Variants in DPP10 observed in about 807,000 individuals in gnomAD.
DPP10 encodes the protein dipeptidyl peptidase like 10, also known as inactive dipeptidyl peptidase 10.
Under a neutral mutation model 120.9 loss-of-function variants are expected in DPP10, and 33 were observed. The observed-to-expected ratio is 0.27, with a 90% confidence interval of 0.21 to 0.37. The LOEUF (loss-of-function observed/expected upper bound fraction) is 0.37, where lower values mean the gene tolerates loss of function less well. DPP10 is among the 10% of genes least tolerant of loss of function. DPP10 has a pLI of 1.00. For synonymous variants in DPP10, 337 were observed against 326.1 expected, an observed-to-expected ratio of 1.03 and a Z score of -0.36; for missense variants, 816 against 942.8, an observed-to-expected ratio of 0.87 and a Z score of 1.76.
intron 1 of DPP10, among the ~76,000 whole-genome samples, chr2:114,693,758 T>G (rs1699907828): frequency 6.6e-6 from 1 of 152,000 alleles, no homozygotes; most frequent in Non-Finnish European, 1.5e-5. Context: ...CCCATATTTC[T>G]TGGAGGTTTC....
rs139776427 is a variant in DPP10, at chr2:114,841,419, G to T, written c.60+398581G>T. On this transcript the variant is annotated intron_variant, in intron 1 of 25. Transcript: ENST00000410059. ...TTGGGGTAAGACTATGGTTTGAGGAGAAATCCATTGGGAAAAGTCAACCTG... is the reference window on the plus strand; with the variant it reads ...TTGGGGTAAGACTATGGTTTGAGGATAAATCCATTGGGAAAAGTCAACCTG... 3.1e-3 allele frequency among the ~76,000 whole-genome samples: 467 copies of T among 152,280 alleles called. 3 individuals carry two copies. Among genetic ancestry groups the T allele is most frequent in the Non-Finnish European group, 5.1e-3 (345 of 68,004 alleles).
At chr2:115,425,235 G>A (rs2070347815) in intron 3 of DPP10, among the ~76,000 whole-genome samples, 1 of 152,150 alleles carries the variant, frequency 6.6e-6, no homozygotes, top group Admixed American at 6.6e-5. Flanking sequence ...GTGGCAAGGG[G>A]TAGTTGGATA....
At chr2:115,749,762 A>G (rs527594222) in intron 10 of DPP10, among the ~76,000 whole-genome samples, 1 of 152,348 alleles carries the variant, frequency 6.6e-6, no homozygotes, top group African/African-American at 2.4e-5. Context: ...ATGAGCTCAA[A>G]GTAACTACAC....
intron 1 of DPP10, among the ~76,000 whole-genome samples, chr2:114,910,352 T>C (rs1011245589): frequency 3.9e-5 from 6 of 151,938 alleles, no homozygotes; most frequent in African/African-American, 1.4e-4. Flanking sequence ...ATTTGGCCCT[T>C]GGAGGAAGCA....
intron 2 of DPP10, among the ~76,000 whole-genome samples, chr2:115,317,679 A>G (rs1324902458): frequency 6.9e-6 from 1 of 145,162 alleles, no homozygotes; most frequent in African/African-American, 2.5e-5. Context: ...ATGAAGTAGT[A>G]TCTCATTTGG....
At chr2:115,524,522 A>G (rs1309576436) in intron 4 of DPP10, among the ~76,000 whole-genome samples, 1 of 151,964 alleles carries the variant, frequency 6.6e-6, no homozygotes, top group East Asian at 1.9e-4. Context: ...GGTTCCCTCA[A>G]CCCTTATCAT....
At chr2:114,930,298 C>T (rs140861384) in intron 1 of DPP10, among the ~76,000 whole-genome samples, 65 of 152,314 alleles carry the variant, frequency 4.3e-4, no homozygotes, top group African/African-American at 1.3e-3. Context: ...CTCTCTGCTT[C>T]CTTTTTAATT....
At chr2:114,446,009 G>A (rs1677922697) in intron 1 of DPP10, among the ~76,000 whole-genome samples, 1 of 152,134 alleles carries the variant, frequency 6.6e-6, no homozygotes, top group Non-Finnish European at 1.5e-5. Context: ...TGTGAAGGTA[G>A]CAACATTCTT....
chr2:115,267,883 G>A (rs780209204), intron 1 of DPP10, among the ~76,000 whole-genome samples: 2 of 152,098 alleles, frequency 1.3e-5, no homozygotes, highest in African/African-American at 4.8e-5. Context: ...GGTAATTTAT[G>A]TGTGTCCACT....
At chr2:114,939,198 C>T (rs1421006146) in intron 1 of DPP10, among the ~76,000 whole-genome samples, 1 of 151,962 alleles carries the variant, frequency 6.6e-6, no homozygotes, top group East Asian at 1.9e-4. Flanking sequence ...GGAAGTGGAA[C>T]ATCATTAAGA....
At chr2:115,405,774 AC>A (rs1365583967) in intron 3 of DPP10, among the ~76,000 whole-genome samples, 1 of 152,172 alleles carries the variant, frequency 6.6e-6, no homozygotes, top group African/African-American at 2.4e-5. Context: ...GATCCCTTGA[AC>A]CATGGCTGGA....
intron 1 of DPP10, among the ~76,000 whole-genome samples, chr2:115,186,172 G>C (rs570140743): frequency 6.6e-6 from 1 of 152,146 alleles, no homozygotes; most frequent in African/African-American, 2.4e-5. Context: ...GCGGAGCTCC[G>C]TTGTTTTTAT....
chr2:115,696,237 A>G (rs879450193), intron 7 of DPP10, among the ~76,000 whole-genome samples: 1 of 152,148 alleles, frequency 6.6e-6, no homozygotes, highest in Non-Finnish European at 1.5e-5. Flanking sequence ...AATCATTAGT[A>G]TAAATAACCA....
At chr2:114,667,929 T>C (rs565883775) in intron 1 of DPP10, among the ~76,000 whole-genome samples, 1 of 152,230 alleles carries the variant, frequency 6.6e-6, no homozygotes. Context: ...GTTTTACAAA[T>C]ATTCAATAAG....
chr2:114,468,139 C>T lies in DPP10; in HGVS notation c.60+25301C>T, dbSNP rs147722022. The stretch of plus-strand genomic sequence containing the variant: ...TATCCCTCTGATCATTACAATACTC[C>T]GTAAAGGTTGCTTTTCTCACTTTAT... On this transcript the variant is annotated intron_variant, in intron 1 of 25. Coordinates refer to ENST00000410059, the MANE Select transcript of DPP10 (RefSeq NM_020868.6). Among the ~76,000 whole-genome samples the T allele has an allele frequency of 7.2e-4, 110 of 152,082 alleles. 1 individual carries two copies. The East Asian group carries it at 0.018, about 24-fold the overall frequency.
intron 3 of DPP10, among the ~76,000 whole-genome samples, chr2:115,454,719 G>A (rs1239060959): frequency 6.6e-6 from 1 of 151,484 alleles, no homozygotes; most frequent in East Asian, 1.9e-4. Flanking sequence ...GAAAGATCTA[G>A]CCAGTGCATT....
chr2:114,891,092 CTG>C (rs1424316326), intron 1 of DPP10, among the ~76,000 whole-genome samples: 1 of 151,460 alleles, frequency 6.6e-6, no homozygotes, highest in Non-Finnish European at 1.5e-5. Context: ...GTAAAAGAGA[CTG>C]AGAGAAAAAC....
intron 1 of DPP10, among the ~76,000 whole-genome samples, chr2:115,279,658 T>C (rs574705340): frequency 5.1e-4 from 55 of 107,152 alleles, no homozygotes; most frequent in East Asian, 2.2e-3. Flanking sequence ...TCTTCTTCTT[T>C]TTTTTTTTTT....
chr2:114,876,118 A>C (rs1464418348), intron 1 of DPP10, among the ~76,000 whole-genome samples: 1 of 152,124 alleles, frequency 6.6e-6, no homozygotes, highest in East Asian at 1.9e-4. Flanking sequence ...TAAAATAGAG[A>C]ATATAGTATA....
Sources: gnomAD v4.1 joint callset for allele counts (sites outside exome capture counted in the v4.1 genomes callset) on GRCh38, gnomAD v4.1.1 for gene constraint, MANE v1.5 for transcripts, NCBI Gene and HGNC (gene_info 2026-07-23, HGNC 2026-07-21) for gene names.